Variants in NCAM2 observed in about 807,000 individuals in gnomAD.
NCAM2 encodes N-CAM-2.
In NCAM2, 30 loss-of-function variants were observed where a neutral mutation model predicts 98.1. That is an observed-to-expected ratio of 0.31 (90% CI 0.23 to 0.41). The LOEUF is 0.41. Ranked by LOEUF, NCAM2 falls within the 10% of genes least tolerant of loss-of-function variation. The probability of loss-of-function intolerance (pLI) is 1.00; values close to 1 mark genes in which losing one functional copy is unlikely to be tolerated. For missense variants in NCAM2, 867 were observed against 1,005.8 expected, an observed-to-expected ratio of 0.86 and a Z score of 1.87; for synonymous variants, 368 against 342.4, an observed-to-expected ratio of 1.07 and a Z score of -0.83.
chr21:21,407,215 C>G (rs1376183953), intron 9 of NCAM2, among the ~76,000 whole-genome samples: 1 of 152,186 alleles, frequency 6.6e-6, no homozygotes, highest in Non-Finnish European at 1.5e-5. Flanking sequence ...AATCTTGTGC[C>G]AGTGAATATC....
At chr21:21,429,331 AAAAC>A (rs1168881400) in intron 11 of NCAM2, among the ~76,000 whole-genome samples, 2 of 152,182 alleles carry the variant, frequency 1.3e-5, no homozygotes, top group African/African-American at 4.8e-5. Flanking sequence ...AGTCAGAGTA[AAAAC>A]AAACAATCAT....
At chr21:21,414,446 A>G (rs892221660) in intron 10 of NCAM2, among the ~76,000 whole-genome samples, 18 of 150,168 alleles carry the variant, frequency 1.2e-4, no homozygotes, top group Non-Finnish European at 2.5e-4. Flanking sequence ...GAAGCCTTAA[A>G]TATTGTATTT....
chr21:21,295,784 A>G (rs936448359), intron 5 of NCAM2, among the ~76,000 whole-genome samples: 2 of 151,566 alleles, frequency 1.3e-5, no homozygotes, highest in African/African-American at 2.4e-5. Context: ...AGTTGTTATC[A>G]TACACACACA....
chr21:21,026,586 C>G (rs2064550430), intron 1 of NCAM2, among the ~76,000 whole-genome samples: 1 of 151,134 alleles, frequency 6.6e-6, no homozygotes, highest in Admixed American at 6.6e-5. Flanking sequence ...GATGGCACCC[C>G]TGCACTCCAG....
chr21:21,202,859 C>T (rs2069287520), intron 1 of NCAM2, among the ~76,000 whole-genome samples: 4 of 152,122 alleles, frequency 2.6e-5, no homozygotes, highest in Admixed American at 2.6e-4. Flanking sequence ...TCCATTTCAC[C>T]TATATCTATT....
chr21:21,085,024 G>A (rs2065881382), intron 1 of NCAM2, among the ~76,000 whole-genome samples: 1 of 152,062 alleles, frequency 6.6e-6, no homozygotes, highest in South Asian at 2.1e-4. Context: ...CTGCTCCACA[G>A]TTATCATCTT....
At chr21:21,414,329 A>G (rs1328677751) in intron 10 of NCAM2, among the ~76,000 whole-genome samples, 6 of 152,160 alleles carry the variant, frequency 3.9e-5, no homozygotes, top group Non-Finnish European at 8.8e-5. Flanking sequence ...ACTTTCTCCC[A>G]TGAGCCACAA....
chr21:21,000,499 G>A (rs1360658846), intron 1 of NCAM2, among the ~76,000 whole-genome samples: 4 of 152,184 alleles, frequency 2.6e-5, no homozygotes, highest in Non-Finnish European at 4.4e-5. Flanking sequence ...AAATTTGGAT[G>A]TGTACATGTA....
At chr21:21,067,173 A>G (rs2065458689) in intron 1 of NCAM2, among the ~76,000 whole-genome samples, 1 of 148,942 alleles carries the variant, frequency 6.7e-6, no homozygotes, top group African/African-American at 2.5e-5. Context: ...TGTATTACAC[A>G]GTAAATTTAA....
chr21:21,282,772 A>G (rs1385437200), intron 2 of NCAM2, among the ~76,000 whole-genome samples: 2 of 151,870 alleles, frequency 1.3e-5, no homozygotes, highest in Non-Finnish European at 3.0e-5. Context: ...AATAATCTGT[A>G]CGTACAAATA....
chr21:21,338,607 A>G lies in NCAM2; in HGVS notation c.1044+73A>G, dbSNP rs914610961. 8 of 1,370,286 alleles carry G rather than the reference A, an allele frequency of 5.8e-6. No individual in the cohort carries two copies. The African/African-American group carries it at 1.1e-4, about 18-fold the overall frequency. 84.9% of individuals were successfully genotyped at this position (1,370,286 alleles called of 1,614,324 possible). ...GTATTTTCAATATCATTAAATCACA[A>G]ATTAGTCTCCAATTTACCTAGTAAC... On this transcript the variant is annotated intron_variant, in intron 8 of 17. Transcript: ENST00000400546.
chr21:21,285,300 T>A (rs1397161587), intron 3 of NCAM2, among the ~76,000 whole-genome samples: 1 of 151,880 alleles, frequency 6.6e-6, no homozygotes, highest in Non-Finnish European at 1.5e-5. Context: ...TTTGTTATTC[T>A]AGAAATAGGA....
chr21:21,468,860 T>C (rs1602431195), intron 14 of NCAM2, 77 bp downstream of exon 14: 4 of 1,303,504 alleles, frequency 3.1e-6, no homozygotes, highest in Non-Finnish European at 4.2e-6. Flanking sequence ...TATAAACATA[T>C]CAGGAGAGAA....
At chr21:21,327,674 C>A (rs934199513) in intron 6 of NCAM2, among the ~76,000 whole-genome samples, 3 of 152,096 alleles carry the variant, frequency 2.0e-5, no homozygotes, top group Non-Finnish European at 4.4e-5. Flanking sequence ...ACAAAAACCA[C>A]CAGTTTTATG....
chr21:21,539,055 T>A lies in NCAM2; in HGVS notation c.*1098T>A, dbSNP rs1287225405. The A allele has an allele frequency of 1.3e-5, 2 of 152,196 alleles. No individual in the cohort carries two copies. The highest frequency in any genetic ancestry group is 4.8e-5 in the African/African-American group (2 of 41,464). The allele number at this position is 152,196 out of a possible 1,614,324, so 9.4% of individuals were successfully genotyped here. ...AAAGAGTAAATGATAAATAATTAAA[T>A]GCCACTATGTGTTCTATTCCGGATG... is the stretch of plus-strand genomic sequence containing the variant. On this transcript the variant is annotated 3_prime_UTR_variant, in exon 18 of 18. Transcript: ENST00000400546.
At chr21:21,244,901 G>A (rs77697315) in intron 1 of NCAM2, among the ~76,000 whole-genome samples, 2,086 of 148,408 alleles carry the variant, frequency 0.014, 45 homozygotes, top group African/African-American at 0.049. Flanking sequence ...TGTGATATCC[G>A]TTAACTTCAT....
chr21:21,153,802 G>T (rs532983024), intron 1 of NCAM2, among the ~76,000 whole-genome samples: 1 of 151,998 alleles, frequency 6.6e-6, no homozygotes, highest in East Asian at 1.9e-4. Context: ...TTTGCAGTAA[G>T]AGACTGATGA....
chr21:21,169,756 C>A (rs768367062), intron 1 of NCAM2, among the ~76,000 whole-genome samples: 4 of 151,916 alleles, frequency 2.6e-5, no homozygotes, highest in Non-Finnish European at 4.4e-5. Context: ...TGAAACCAGC[C>A]TGGGCAACAT....
At chr21:21,510,251 A>G (rs933751274) in intron 16 of NCAM2, among the ~76,000 whole-genome samples, 1 of 152,144 alleles carries the variant, frequency 6.6e-6, no homozygotes, top group Non-Finnish European at 1.5e-5. Context: ...AGTTTTGACA[A>G]ATGTTTTTAT....
Sources: allele counts gnomAD v4.1 joint callset (sites outside exome capture counted in the v4.1 genomes callset), GRCh38; gene constraint gnomAD v4.1.1; transcripts MANE v1.5; gene names NCBI Gene and HGNC (gene_info 2026-07-23, HGNC 2026-07-21).